Variants in UVSSA observed in about 807,000 individuals in gnomAD.
UVSSA encodes UV-stimulated scaffold protein A.
A neutral mutation model predicts 73.9 loss-of-function variants in UVSSA; 72 were observed. The observed-to-expected ratio is 0.97, with a 90% CI of 0.81 to 1.19. The LOEUF is 1.19. UVSSA is among the 50% of genes most tolerant of loss of function. The probability of loss-of-function intolerance (pLI) is 0.00; values close to 1 mark genes in which losing one functional copy is unlikely to be tolerated. For missense variants in UVSSA, 1,150 were observed against 965.0 expected, an observed-to-expected ratio of 1.19 and a Z score of -2.54; for synonymous variants, 454 against 391.3, an observed-to-expected ratio of 1.16 and a Z score of -1.89.
Position 1,386,582 on chromosome 4 carries a change from A to G in UVSSA, c.*621A>G, listed in dbSNP as rs566778672. 1 of 152,666 alleles carries G rather than the reference A, an allele frequency of 6.6e-6. No homozygotes were observed. The highest frequency in any genetic ancestry group is 1.9e-4 in the East Asian group (1 of 5,190). The allele number at this position is 152,666 out of a possible 1,614,324, so 9.5% of individuals were successfully genotyped here. A position where few individuals can be genotyped will look rare whatever the true frequency, so the allele number is the denominator to read the frequency against. ...TGCGGAAGCTTGTGCACCCATGTTC[A>G]CAGCAGCATTGGAGAAGGATACCGA... On this transcript the variant is annotated 3_prime_UTR_variant, in exon 14 of 14. Transcript: ENST00000389851.
chr4:1,361,468 C>T (rs1014432157), intron 7 of UVSSA, among the ~76,000 whole-genome samples: 3 of 152,268 alleles, frequency 2.0e-5, no homozygotes, highest in Non-Finnish European at 2.9e-5. Context: ...GCAGAACCTC[C>T]AGGCTCTCGT....
intron 8 of UVSSA, among the ~76,000 whole-genome samples, chr4:1,372,623 G>A (rs1718197978): frequency 6.7e-6 from 1 of 150,332 alleles, no homozygotes; most frequent in African/African-American, 2.5e-5. Flanking sequence ...TGGGTTTGGG[G>A]TAGGGACAGG....
At chr4:1,362,074 C>T (rs1322849805) in intron 7 of UVSSA, among the ~76,000 whole-genome samples, 3 of 152,226 alleles carry the variant, frequency 2.0e-5, no homozygotes, top group Non-Finnish European at 2.9e-5. Context: ...TTAGTAACCT[C>T]GCCACCCTAC....
chr4:1,368,991 C>T (rs1001112011), intron 8 of UVSSA, among the ~76,000 whole-genome samples: 6 of 152,360 alleles, frequency 3.9e-5, no homozygotes, highest in South Asian at 2.1e-4. Flanking sequence ...TGCCTTAGAC[C>T]TGCCCCGGTG....
chr4:1,395,485 G>A, exon 14 of UVSSA: 1 of 1,554,620 alleles, frequency 6.4e-7, no homozygotes, highest in Non-Finnish European at 8.7e-7. Flanking sequence ...GCTCACACGT[G>A]CCATTGTGGA....
chr4:1,372,803 C>G lies in UVSSA; in HGVS notation c.1289-2561C>G, dbSNP rs1339152302. Among the ~76,000 whole-genome samples the G allele has an allele frequency of 4.1e-5, 3 of 73,640 alleles. 1 individual carries two copies. The highest frequency in any genetic ancestry group is 1.7e-4 in the African/African-American group (3 of 18,106). The allele number at this position is 73,640 out of a possible 152,430, so 48.3% of individuals were successfully genotyped here. On this transcript the variant is annotated intron_variant, in intron 8 of 13. Transcript: ENST00000389851. The stretch of plus-strand genomic sequence containing the variant: ...TCACCTCCCGCGTCCCTGCACTCAC[C>G]TCCCGCGTCTCAGGGCACTCACCTC...
At chr4:1,364,915 C>T (rs763332355) in intron 7 of UVSSA, among the ~76,000 whole-genome samples, 2 of 152,162 alleles carry the variant, frequency 1.3e-5, no homozygotes, top group Non-Finnish European at 1.5e-5. Flanking sequence ...ACCAGGTTTG[C>T]GGTGGGTGAG....
At chr4:1,379,602 G>A (rs1719195747) in intron 10 of UVSSA, among the ~76,000 whole-genome samples, 2 of 152,206 alleles carry the variant, frequency 1.3e-5, no homozygotes, top group Admixed American at 1.3e-4. Flanking sequence ...CTACCGCCCT[G>A]TCCTTACGTC....
At chr4:1,355,307 G>GT (rs1715548001) in intron 7 of UVSSA, 62 bp downstream of exon 7, 4 of 1,488,348 alleles carry the variant, frequency 2.7e-6, no homozygotes, top group South Asian at 1.2e-5. Flanking sequence ...AGGAGAAGCT[G>GT]TGGGGGGGTT....
intron 5 of UVSSA, among the ~76,000 whole-genome samples, chr4:1,353,859 G>A (rs1715202726): frequency 1.3e-5 from 2 of 152,158 alleles, no homozygotes; most frequent in Non-Finnish European, 2.9e-5. Flanking sequence ...GCCCTTGCTG[G>A]GAGGAAAATG....
At chr4:1,368,779 A>G (rs1717657346) in intron 8 of UVSSA, among the ~76,000 whole-genome samples, 1 of 152,244 alleles carries the variant, frequency 6.6e-6, no homozygotes, top group African/African-American at 2.4e-5. Flanking sequence ...CTCAGGCCCC[A>G]GGCTCAGCAG....
At chr4:1,348,621 C>T (rs1174865139) in intron 2 of UVSSA, among the ~76,000 whole-genome samples, 1 of 152,220 alleles carries the variant, frequency 6.6e-6, no homozygotes, top group African/African-American at 2.4e-5. Flanking sequence ...GGGATCTCTG[C>T]CGTCACCCTC....
intron 7 of UVSSA, among the ~76,000 whole-genome samples, chr4:1,357,514 C>T (rs1577311367): frequency 6.6e-6 from 1 of 152,260 alleles, no homozygotes; most frequent in South Asian, 2.1e-4. Flanking sequence ...GGACTGCTGG[C>T]AGCTCGGCCT....
At chr4:1,373,910 T>C (rs555998537) in intron 8 of UVSSA, among the ~76,000 whole-genome samples, 10 of 152,276 alleles carry the variant, frequency 6.6e-5, no homozygotes, top group African/African-American at 1.9e-4. Flanking sequence ...GGTGGAGGCA[T>C]CTTCAGGATC....
At chr4:1,350,865 C>T (rs954288712) in intron 3 of UVSSA, among the ~76,000 whole-genome samples, 3 of 151,690 alleles carry the variant, frequency 2.0e-5, no homozygotes, top group Admixed American at 6.6e-5. Flanking sequence ...GCTTTATCTT[C>T]CTCACATTCT....
At chr4:1,353,518 C>A (rs1209377493) in intron 5 of UVSSA, 105 bp downstream of exon 5, 2 of 1,394,636 alleles carry the variant, frequency 1.4e-6, no homozygotes, top group Non-Finnish European at 1.9e-6. Flanking sequence ...GCAGGGGCCT[C>A]CCCTGGGGAG....
Position 1,376,127 on chromosome 4 carries a change from C to A in UVSSA, c.1527C>A (p.His509Gln). The A allele has an allele frequency of 1.9e-6, 3 of 1,610,242 alleles. No homozygotes were observed. In the African/African-American group the frequency reaches 4.0e-5, roughly 21 times the overall value. Residue 509 changes from histidine (H) to glutamine (Q), a missense_variant, in exon 10 of 14, where the codon CAC becomes CAA. Physicochemically the swap from His to Gln is conservative, Grantham distance 24. Transcript: ENST00000389851. ...APVVPYGVDL[H>Q]YWGQELPTAG... ...TGGTGCCCTACGGCGTGGACCTGCACTACTGGGGCCAGGAGCTCCCCACAG... is the reference window on the plus strand; with the variant it reads ...TGGTGCCCTACGGCGTGGACCTGCAATACTGGGGCCAGGAGCTCCCCACAG...
chr4:1,389,961 TC>T (rs1720367934), downstream of UVSSA: 1 of 152,240 alleles, frequency 6.6e-6, no homozygotes, highest in African/African-American at 2.4e-5. Context: ...CCTATGATTT[TC>T]CATTCTTTAT....
At chr4:1,342,713 T>G (rs1298608924), upstream of UVSSA, among the ~76,000 whole-genome samples, 1 of 152,236 alleles carries the variant, frequency 6.6e-6, no homozygotes, top group Non-Finnish European at 1.5e-5. Context: ...GTTTACTCTA[T>G]TGTTCTAACA....
Sources: gnomAD v4.1 joint callset for allele counts (sites outside exome capture counted in the v4.1 genomes callset) on GRCh38, gnomAD v4.1.1 for gene constraint, MANE v1.5 for transcripts, NCBI Gene and HGNC (gene_info 2026-07-23, HGNC 2026-07-21) for gene names.